SPATA17: variants seen among roughly 807,000 people sequenced by gnomAD.
The protein encoded by SPATA17 is spermatogenesis associated 17, also known as spermatogenesis-associated protein 17.
Under a neutral mutation model 62.2 loss-of-function variants are expected in SPATA17, and 53 were observed. That is an observed-to-expected ratio of 0.85 (90% confidence interval 0.68 to 1.07). The LOEUF (loss-of-function observed/expected upper bound fraction) is 1.07, where lower values mean the gene tolerates loss of function less well. Ranked by LOEUF, SPATA17 falls within the 50% of genes least tolerant of loss-of-function variation. The probability of loss-of-function intolerance (pLI) is 0.00; values close to 1 mark genes in which losing one functional copy is unlikely to be tolerated. For synonymous variants in SPATA17, 146 were observed against 146.8 expected, an observed-to-expected ratio of 0.99 and a Z score of 0.04; for missense variants, 466 against 425.5, an observed-to-expected ratio of 1.10 and a Z score of -0.84.
chr1:217,674,301 T>A (rs1670897164), intron 4 of SPATA17, among the ~76,000 whole-genome samples: 1 of 152,232 alleles, frequency 6.6e-6, no homozygotes, highest in Non-Finnish European at 1.5e-5. Flanking sequence ...TGGTTCTCCC[T>A]CTTTCTAAGG....
intron 6 of SPATA17, among the ~76,000 whole-genome samples, chr1:217,757,288 C>T (rs374595900): frequency 6.6e-6 from 1 of 152,110 alleles, no homozygotes; most frequent in African/African-American, 2.4e-5. Flanking sequence ...ACCTCTATCT[C>T]AAAATTAGTA....
At chr1:217,786,262 T>A (rs1472481705) in intron 8 of SPATA17, among the ~76,000 whole-genome samples, 1 of 152,110 alleles carries the variant, frequency 6.6e-6, no homozygotes, top group Non-Finnish European at 1.5e-5. Flanking sequence ...TGGTCAAGTG[T>A]GTGTAAGAGA....
chr1:217,858,889 G>A (rs11811430), intron 9 of SPATA17, among the ~76,000 whole-genome samples: 8,562 of 151,994 alleles, frequency 0.056, 266 homozygotes, highest in African/African-American at 0.072. Context: ...TTAGCCAGGC[G>A]TGGTGATGTG....
chr1:217,823,705 G>C (rs1412553055), intron 9 of SPATA17, among the ~76,000 whole-genome samples: 1 of 151,848 alleles, frequency 6.6e-6, no homozygotes, highest in African/African-American at 2.4e-5. Context: ...GCTGAAAATG[G>C]GGTGCTGAAG....
intron 1 of SPATA17, among the ~76,000 whole-genome samples, chr1:217,636,859 T>C (rs1669953947): frequency 6.6e-6 from 1 of 152,230 alleles, no homozygotes; most frequent in Non-Finnish European, 1.5e-5. Flanking sequence ...TCTGCTTGTG[T>C]CAATGAAACA....
chr1:217,862,714 A>G (rs1360948577), intron 9 of SPATA17, 60 bp from the exon 10 acceptor site: 7 of 1,196,172 alleles, frequency 5.9e-6, no homozygotes, highest in Non-Finnish European at 4.9e-6. Context: ...AATAACAATA[A>G]TGGTAATAAC....
chr1:217,739,813 C>G (rs1247023767), intron 5 of SPATA17, among the ~76,000 whole-genome samples: 1 of 152,096 alleles, frequency 6.6e-6, no homozygotes, highest in Non-Finnish European at 1.5e-5. Context: ...AGTATATCCA[C>G]ACACACTCAA....
At chr1:217,820,633 T>A (rs764820187) in intron 9 of SPATA17, among the ~76,000 whole-genome samples, 1 of 151,932 alleles carries the variant, frequency 6.6e-6, no homozygotes, top group African/African-American at 2.4e-5. Context: ...CTTGAACATG[T>A]TTGAGTTTGA....
intron 8 of SPATA17, among the ~76,000 whole-genome samples, chr1:217,791,100 G>A (rs1049940944): frequency 1.3e-5 from 2 of 151,992 alleles, no homozygotes; most frequent in African/African-American, 2.4e-5. Flanking sequence ...TTAATTACTA[G>A]CACAGTGTGC....
intron 5 of SPATA17, among the ~76,000 whole-genome samples, chr1:217,685,983 A>C (rs1313960242): frequency 6.6e-6 from 1 of 152,066 alleles, no homozygotes. Context: ...CTAATTTATA[A>C]ATTAAACTTT....
intron 4 of SPATA17, among the ~76,000 whole-genome samples, chr1:217,679,424 G>A (rs115349373): frequency 0.05 from 7,681 of 152,134 alleles, 253 homozygotes; most frequent in Middle Eastern, 0.12. Flanking sequence ...ATAATACCTG[G>A]CACATTCATG....
intron 3 of SPATA17, among the ~76,000 whole-genome samples, chr1:217,666,252 C>A (rs913896311): frequency 6.6e-6 from 1 of 152,090 alleles, no homozygotes; most frequent in South Asian, 2.1e-4. Context: ...ATGTTATTAA[C>A]ATTCCGTAGG....
intron 8 of SPATA17, among the ~76,000 whole-genome samples, chr1:217,798,665 A>G (rs147441804): frequency 3.3e-5 from 5 of 152,318 alleles, no homozygotes; most frequent in African/African-American, 1.2e-4. Context: ...TGGCCAAGTC[A>G]GCCCTCCAAA....
At chr1:217,677,448 C>T (rs997061414) in intron 4 of SPATA17, among the ~76,000 whole-genome samples, 10 of 151,620 alleles carry the variant, frequency 6.6e-5, no homozygotes, top group Middle Eastern at 3.4e-3. Flanking sequence ...ATAATGACCC[C>T]GAGATTACAT....
intron 5 of SPATA17, among the ~76,000 whole-genome samples, chr1:217,696,619 A>G (rs1671467745): frequency 6.6e-6 from 1 of 152,198 alleles, no homozygotes; most frequent in South Asian, 2.1e-4. Context: ...TATTGAAATA[A>G]TCAAATATTT....
chr1:217,833,399 A>C (rs1212187683), intron 9 of SPATA17, among the ~76,000 whole-genome samples: 1 of 152,172 alleles, frequency 6.6e-6, no homozygotes, highest in Non-Finnish European at 1.5e-5. Context: ...ATATTCTCTA[A>C]GGAGGGATAG....
chr1:217,638,642 A>G lies in SPATA17; in HGVS notation c.68+7196A>G, dbSNP rs1405074765. Among the ~76,000 whole-genome samples, 3 of 152,302 alleles carry G rather than the reference A, an allele frequency of 2.0e-5. No homozygotes were observed. The East Asian group carries it at 5.8e-4, about 29-fold the overall frequency. ...GCAGATAAACTTCACAAGACATTTA[A>G]GGAAATGTTAGTTTGGAGGAAGGAG... is the stretch of plus-strand genomic sequence containing the variant. On this transcript the variant is annotated intron_variant, in intron 1 of 10. Transcript: ENST00000366933.
At chr1:217,647,422 G>T (rs925069770) in intron 1 of SPATA17, among the ~76,000 whole-genome samples, 6 of 152,236 alleles carry the variant, frequency 3.9e-5, no homozygotes, top group Non-Finnish European at 1.5e-5. Context: ...AGACAAAGTT[G>T]AGTGTTAGGA....
At chr1:217,734,603 G>C (rs114253076) in intron 5 of SPATA17, among the ~76,000 whole-genome samples, 10 of 152,198 alleles carry the variant, frequency 6.6e-5, no homozygotes, top group African/African-American at 2.4e-4. Flanking sequence ...AATCCATTTC[G>C]TTAGAATTTT....
Sources: gnomAD v4.1 joint callset for allele counts (sites outside exome capture counted in the v4.1 genomes callset) on GRCh38, gnomAD v4.1.1 for gene constraint, MANE v1.5 for transcripts, NCBI Gene and HGNC (gene_info 2026-07-23, HGNC 2026-07-21) for gene names.